LAMA2: variants seen among roughly 807,000 people sequenced by gnomAD.
LAMA2 encodes laminin subunit alpha 2.
Under a neutral mutation model 364.8 loss-of-function variants are expected in LAMA2, and 269 were observed. That is an observed-to-expected ratio of 0.74 (90% confidence interval 0.67 to 0.82). The LOEUF is 0.82. Ranked by LOEUF, LAMA2 falls within the 40% of genes least tolerant of loss-of-function variation. The pLI is 0.00. For synonymous variants in LAMA2, 1,379 were observed against 1,370.6 expected (o/e 1.01, Z -0.14); for missense variants, 3,807 against 3,873.2 (o/e 0.98, Z 0.45).
intron 12 of LAMA2, among the ~76,000 whole-genome samples, chr6:129,216,930 C>T (rs1054559987): frequency 6.6e-6 from 1 of 152,140 alleles, no homozygotes; most frequent in Admixed American, 6.5e-5. Context: ...GGGGCTCATG[C>T]CTGTAATCCC....
At chr6:129,232,598 G>A (rs540355318) in intron 12 of LAMA2, among the ~76,000 whole-genome samples, 21 of 152,158 alleles carry the variant, frequency 1.4e-4, no homozygotes, top group African/African-American at 4.8e-4. Context: ...ATTCTGGCTA[G>A]TGAATCCCTC....
chr6:129,436,624 TC>T (rs1270885103), intron 41 of LAMA2, among the ~76,000 whole-genome samples: 1 of 152,130 alleles, frequency 6.6e-6, no homozygotes, highest in East Asian at 1.9e-4. Context: ...TATTTAAAAT[TC>T]TAATAAACTT....
At chr6:128,911,008 C>T (rs1777892884) in intron 1 of LAMA2, among the ~76,000 whole-genome samples, 1 of 151,246 alleles carries the variant, frequency 6.6e-6, no homozygotes, top group African/African-American at 2.5e-5. Flanking sequence ...AGATCTCCAG[C>T]TGCGTACTGG....
chr6:129,313,593 C>T (rs543530668), intron 23 of LAMA2, among the ~76,000 whole-genome samples: 83 of 152,290 alleles, frequency 5.5e-4, no homozygotes, highest in African/African-American at 1.9e-3. Flanking sequence ...CAAACAGTGA[C>T]TATGTGCAAA....
Position 128,932,998 on chromosome 6 carries a change from C to G in LAMA2, c.112+49641C>G, listed in dbSNP as rs190060491. The stretch of plus-strand genomic sequence containing the variant: ...CCCTTTGACCCAAACCTCTCATTTA[C>G]CCCAATTCCTGGCAACCACCATTCA... On this transcript the variant is annotated intron_variant, in intron 1 of 64. Transcript: ENST00000421865. Among the ~76,000 whole-genome samples, 662 of 152,286 alleles carry G rather than the reference C, an allele frequency of 4.3e-3. 6 individuals are homozygous for G. The highest frequency in any genetic ancestry group is 0.015 in the African/African-American group (618 of 41,564).
At chr6:129,410,342 T>G (rs9321167) in intron 40 of LAMA2, among the ~76,000 whole-genome samples, 75,413 of 151,000 alleles carry the variant, frequency 0.5, 19,261 homozygotes, top group African/African-American at 0.62. Flanking sequence ...AAAAAAAGAA[T>G]GACATTTTTA....
chr6:129,161,656 C>T (rs953472824), intron 8 of LAMA2, among the ~76,000 whole-genome samples: 10 of 152,060 alleles, frequency 6.6e-5, no homozygotes, highest in Non-Finnish European at 1.0e-4. Flanking sequence ...CACCCCCCTC[C>T]CACCCTTTTC....
At chr6:129,228,197 G>A (rs144383629) in intron 12 of LAMA2, among the ~76,000 whole-genome samples, 17,989 of 152,150 alleles carry the variant, frequency 0.12, 1,193 homozygotes, top group East Asian at 0.3. Flanking sequence ...TATTAGGGTG[G>A]GAGTGACCCG....
intron 3 of LAMA2, among the ~76,000 whole-genome samples, chr6:129,082,509 T>C (rs1462662459): frequency 1.3e-5 from 2 of 152,152 alleles, no homozygotes; most frequent in Admixed American, 6.5e-5. Context: ...AAAACATTTA[T>C]ATATTTCTCT....
intron 10 of LAMA2, among the ~76,000 whole-genome samples, 195 bp downstream of exon 10, chr6:129,178,061 C>T (rs1180998722): frequency 1.3e-5 from 2 of 152,140 alleles, no homozygotes; most frequent in Admixed American, 1.3e-4. Context: ...CCTACAAATG[C>T]ACGGAGGATA....
chr6:128,917,055 T>C (rs1191721797), intron 1 of LAMA2, among the ~76,000 whole-genome samples: 1 of 152,144 alleles, frequency 6.6e-6, no homozygotes, highest in Non-Finnish European at 1.5e-5. Context: ...CTGATTCTTT[T>C]CATTTTTTTC....
chr6:129,453,764 A>G (rs897544737), intron 46 of LAMA2, among the ~76,000 whole-genome samples: 2 of 152,118 alleles, frequency 1.3e-5, no homozygotes, highest in Non-Finnish European at 2.9e-5. Flanking sequence ...TCAATTTGGG[A>G]AATAAAATCA....
chr6:129,136,639 C>G (rs914398878), intron 4 of LAMA2, among the ~76,000 whole-genome samples: 1 of 151,322 alleles, frequency 6.6e-6, no homozygotes, highest in African/African-American at 2.4e-5. Flanking sequence ...TATAAAATAG[C>G]AAATAATCTT....
intron 29 of LAMA2, among the ~76,000 whole-genome samples, chr6:129,332,693 G>A (rs1268847755): frequency 6.6e-6 from 1 of 151,888 alleles, no homozygotes. Flanking sequence ...TTCTTTCTAT[G>A]TATCTTACAT....
At chr6:128,895,605 G>A (rs1776727220) in intron 1 of LAMA2, among the ~76,000 whole-genome samples, 2 of 151,974 alleles carry the variant, frequency 1.3e-5, no homozygotes, top group African/African-American at 2.4e-5. Flanking sequence ...CCGAGATTGC[G>A]CCACTGCACT....
chr6:129,183,275 T>C (rs891956472), intron 10 of LAMA2, among the ~76,000 whole-genome samples: 5 of 151,984 alleles, frequency 3.3e-5, no homozygotes, highest in Admixed American at 3.3e-4. Context: ...TGCAGTTTGG[T>C]GTCATATTAT....
chr6:128,941,438 T>TTGAA (rs142323769), intron 1 of LAMA2, among the ~76,000 whole-genome samples: 10,584 of 152,196 alleles, frequency 0.07, 444 homozygotes, highest in South Asian at 0.12. Flanking sequence ...AGGATGTTTG[T>TTGAA]TGAATGAATG....
intron 12 of LAMA2, among the ~76,000 whole-genome samples, chr6:129,222,166 A>G (rs1196716579): frequency 1.3e-5 from 2 of 152,300 alleles, no homozygotes; most frequent in East Asian, 3.9e-4. Flanking sequence ...ATCACTAACA[A>G]AGTAATAAGC....
At chr6:128,891,096 T>C (rs1209754879) in intron 1 of LAMA2, among the ~76,000 whole-genome samples, 1 of 152,140 alleles carries the variant, frequency 6.6e-6, no homozygotes. Flanking sequence ...ATATTTAGTA[T>C]GTTTTCTGTT....
Sources: gnomAD v4.1 joint callset for allele counts (sites outside exome capture counted in the v4.1 genomes callset) on GRCh38, gnomAD v4.1.1 for gene constraint, MANE v1.5 for transcripts, NCBI Gene and HGNC (gene_info 2026-07-23, HGNC 2026-07-21) for gene names.